Variants in PTN observed in about 807,000 individuals in gnomAD.
PTN encodes heparin affin regulatory protein.
Under a neutral mutation model 24.1 loss-of-function variants are expected in PTN, and 18 were observed. The ratio of observed to expected loss-of-function variants is 0.75; its 90% CI spans 0.52 to 1.11. PTN has a LOEUF of 1.11. PTN is among the 50% of genes least tolerant of loss of function. The pLI is 0.00. For synonymous variants in PTN, 78 were observed against 68.6 expected, an observed-to-expected ratio of 1.14 and a Z score of -0.67; for missense variants, 163 against 198.8, an observed-to-expected ratio of 0.82 and a Z score of 1.08.
chr7:137,336,198 T>C lies in PTN; in HGVS notation c.-2+7241A>G, dbSNP rs184384410. 1.1e-4 allele frequency among the ~76,000 whole-genome samples: 16 copies of C among 152,290 alleles called. No individual in the cohort carries two copies. In the East Asian group the frequency reaches 2.7e-3, roughly 26 times the overall value. On this transcript the variant is annotated intron_variant, in intron 1 of 4. Coordinates refer to ENST00000348225, the MANE Select transcript of PTN (RefSeq NM_002825.7). ...TGACCATTGACATTTACCACCAACC[T>C]ATGAGGTTGGCAAAACAAGTAACAT...
intron 1 of PTN, among the ~76,000 whole-genome samples, chr7:137,274,719 G>A (rs1258381652): frequency 6.6e-6 from 1 of 152,116 alleles, no homozygotes; most frequent in African/African-American, 2.4e-5. Flanking sequence ...TTTAAAAATA[G>A]AAATTTTATA....
At chr7:137,251,194 A>G (rs1472018106) in intron 4 of PTN, 36 bp downstream of exon 4, 3 of 1,603,504 alleles carry the variant, frequency 1.9e-6, no homozygotes, top group South Asian at 1.1e-5. Flanking sequence ...GAGTCCATCA[A>G]TCCATTAAAA....
intron 1 of PTN, among the ~76,000 whole-genome samples, chr7:137,342,766 A>G (rs779587401): frequency 3.9e-5 from 6 of 152,206 alleles, no homozygotes; most frequent in Non-Finnish European, 7.3e-5. Context: ...TTAAGGGTCT[A>G]TGTACTGGGC....
chr7:137,267,967 C>T (rs1180795578), intron 1 of PTN, among the ~76,000 whole-genome samples: 1 of 143,748 alleles, frequency 7.0e-6, no homozygotes, highest in African/African-American at 3.0e-5. Context: ...TCAAGCAATT[C>T]AAACCAAGTC....
intron 1 of PTN, among the ~76,000 whole-genome samples, chr7:137,267,396 T>C (rs551604693): frequency 6.6e-6 from 1 of 152,110 alleles, no homozygotes; most frequent in East Asian, 1.9e-4. Flanking sequence ...TTAACTACTG[T>C]TGGGGGGAAG....
chr7:137,315,530 T>C (rs1810057947), intron 1 of PTN, among the ~76,000 whole-genome samples: 1 of 152,134 alleles, frequency 6.6e-6, no homozygotes, highest in Non-Finnish European at 1.5e-5. Flanking sequence ...GAAGTCACAG[T>C]TTCATCAGTT....
rs543812432 is a variant in PTN at position 137,239,524 on chromosome 7, A to T, written c.452-11449T>A. On this transcript the variant is annotated intron_variant, in intron 4 of 4. Coordinates refer to ENST00000348225, the MANE Select transcript of PTN (RefSeq NM_002825.7). The stretch of plus-strand genomic sequence containing the variant: ...ACTAACTCGTCATCTAGCATTAGGT[A>T]TATCTCCCAGTGCTATCCCTCCCCC... Among the ~76,000 whole-genome samples the T allele has an allele frequency of 1.4e-4, 21 of 152,014 alleles. No individual in the cohort carries two copies. In the South Asian group the frequency reaches 3.7e-3, roughly 27 times the overall value.
At chr7:137,312,621 T>C (rs558328738) in intron 1 of PTN, among the ~76,000 whole-genome samples, 31 of 152,198 alleles carry the variant, frequency 2.0e-4, no homozygotes, top group Non-Finnish European at 3.8e-4. Flanking sequence ...TCATATTTAT[T>C]GAAAAATGTG....
intron 1 of PTN, among the ~76,000 whole-genome samples, chr7:137,312,043 A>C (rs1809990864): frequency 6.6e-6 from 1 of 152,182 alleles, no homozygotes; most frequent in Non-Finnish European, 1.5e-5. Flanking sequence ...ATGTCATACA[A>C]AGTTGATGGA....
chr7:137,308,412 C>T (rs187926640), intron 1 of PTN, among the ~76,000 whole-genome samples: 12 of 152,228 alleles, frequency 7.9e-5, no homozygotes, highest in South Asian at 2.1e-4. Flanking sequence ...TACAAATGTA[C>T]GTACATACAT....
intron 1 of PTN, among the ~76,000 whole-genome samples, chr7:137,276,956 T>G (rs1809370673): frequency 6.6e-6 from 1 of 152,186 alleles, no homozygotes; most frequent in Non-Finnish European, 1.5e-5. Flanking sequence ...ACTACCAGAA[T>G]TGATAAGTGA....
chr7:137,268,574 C>G (rs1438902271), intron 1 of PTN, among the ~76,000 whole-genome samples: 1 of 152,164 alleles, frequency 6.6e-6, no homozygotes, highest in Non-Finnish European at 1.5e-5. Context: ...CACCGATGGT[C>G]AGAGTGAAAC....
chr7:137,326,355 T>C (rs541348768), intron 1 of PTN: 1 of 152,304 alleles, frequency 6.6e-6, no homozygotes, highest in African/African-American at 2.4e-5. Flanking sequence ...TTCTCCCAAA[T>C]TGATCAATGT....
chr7:137,236,495 C>CAG (rs773054238), intron 4 of PTN, among the ~76,000 whole-genome samples: 2 of 152,018 alleles, frequency 1.3e-5, no homozygotes, highest in Non-Finnish European at 2.9e-5. Context: ...CATACACAGA[C>CAG]AGAGAGAGAG....
intron 1 of PTN, among the ~76,000 whole-genome samples, chr7:137,341,137 A>C (rs1585052088): frequency 6.6e-6 from 1 of 152,222 alleles, no homozygotes; most frequent in South Asian, 2.1e-4. Context: ...TGAGAAAGCA[A>C]AAATATCTTC....
intron 1 of PTN, among the ~76,000 whole-genome samples, chr7:137,338,489 C>T (rs1269346147): frequency 6.6e-6 from 1 of 152,170 alleles, no homozygotes; most frequent in Non-Finnish European, 1.5e-5. Flanking sequence ...ATAGACGTTG[C>T]GTACCATTTA....
chr7:137,298,096 T>G (rs1201155073), intron 1 of PTN, among the ~76,000 whole-genome samples: 2 of 151,968 alleles, frequency 1.3e-5, no homozygotes, highest in East Asian at 3.9e-4. Flanking sequence ...GAGCAAGAAT[T>G]GATAAAATAT....
chr7:137,305,874 T>C lies in PTN; in HGVS notation c.-2+37565A>G, dbSNP rs60605295. ...GACATAGAAATAAGTGTGGAAGAAT[T>C]CCTCATAGAATAATCAGAGATTCTA... On this transcript the variant is annotated intron_variant, in intron 1 of 4. Coordinates refer to ENST00000348225, the MANE Select transcript of PTN (RefSeq NM_002825.7). 4.6e-3 allele frequency among the ~76,000 whole-genome samples: 695 copies of C among 152,198 alleles called. 7 individuals are homozygous for C. Among genetic ancestry groups the C allele is most frequent in the African/African-American group, 0.016 (650 of 41,542 alleles).
At chr7:137,254,305 A>C (rs1037599720) in intron 2 of PTN, among the ~76,000 whole-genome samples, 17 of 152,116 alleles carry the variant, frequency 1.1e-4, no homozygotes, top group Non-Finnish European at 2.4e-4. Context: ...CAAAAAAAAA[A>C]AAAAAGAAAT....
Sources: gnomAD v4.1 joint callset for allele counts (sites outside exome capture counted in the v4.1 genomes callset) on GRCh38, gnomAD v4.1.1 for gene constraint, MANE v1.5 for transcripts, NCBI Gene and HGNC (gene_info 2026-07-23, HGNC 2026-07-21) for gene names.